The following SPATA17 variants were observed in gnomAD, a reference collection of about 807,000 sequenced individuals.
SPATA17 encodes the protein spermatogenesis-associated protein 17.
A neutral mutation model predicts 62.2 loss-of-function variants in SPATA17; 53 were observed. The ratio of observed to expected loss-of-function variants is 0.85; its 90% confidence interval spans 0.68 to 1.07. The LOEUF is 1.07. Among genes scored for constraint, SPATA17 ranks in the 50% least tolerant of loss-of-function variants. The pLI, the probability that SPATA17 is intolerant of heterozygous loss-of-function variation, is 0.00. For synonymous variants in SPATA17, 146 were observed against 146.8 expected (o/e 0.99, Z 0.04); for missense variants, 466 against 425.5 (o/e 1.10, Z -0.84).
chr1:217,703,951 T>C (rs1007517639), intron 5 of SPATA17, among the ~76,000 whole-genome samples: 1 of 152,184 alleles, frequency 6.6e-6, no homozygotes, highest in South Asian at 2.1e-4. Context: ...AATGAATATA[T>C]GTTTAAAATT....
At chr1:217,655,008 C>A (rs1425117345) in intron 3 of SPATA17, among the ~76,000 whole-genome samples, 2 of 152,278 alleles carry the variant, frequency 1.3e-5, no homozygotes, top group East Asian at 3.9e-4. Context: ...CCGCACCCAG[C>A]CCTACATAAT....
chr1:217,861,241 A>G (rs918220428), intron 9 of SPATA17, among the ~76,000 whole-genome samples: 3 of 151,984 alleles, frequency 2.0e-5, no homozygotes, highest in Admixed American at 1.3e-4. Flanking sequence ...GAAAAATAAA[A>G]GGTTTTATTT....
chr1:217,841,844 C>T (rs574840892), intron 9 of SPATA17, among the ~76,000 whole-genome samples: 55 of 150,926 alleles, frequency 3.6e-4, no homozygotes, highest in African/African-American at 1.2e-3. Context: ...TTTTCATATA[C>T]ATATTATGTA....
At chr1:217,640,931 A>G (rs573072932) in intron 1 of SPATA17, among the ~76,000 whole-genome samples, 1 of 152,110 alleles carries the variant, frequency 6.6e-6, no homozygotes, top group Non-Finnish European at 1.5e-5. Flanking sequence ...TAAAAATTGA[A>G]AGAAAGTGAG....
chr1:217,769,537 C>G (rs1269806227), intron 6 of SPATA17, among the ~76,000 whole-genome samples: 5 of 152,328 alleles, frequency 3.3e-5, no homozygotes, highest in Non-Finnish European at 7.3e-5. Context: ...GGCTGGAGTT[C>G]TTGGAAGAGC....
At chr1:217,825,228 G>A (rs1194788312) in intron 9 of SPATA17, among the ~76,000 whole-genome samples, 1 of 151,460 alleles carries the variant, frequency 6.6e-6, no homozygotes, top group Non-Finnish European at 1.5e-5. Context: ...GAACAGAAAA[G>A]GTGGAATCAA....
intron 5 of SPATA17, among the ~76,000 whole-genome samples, chr1:217,733,159 ACATTGACCATTAT>A (rs1672435614): frequency 6.6e-6 from 1 of 152,172 alleles, no homozygotes. Flanking sequence ...TAATTTTATA[ACATTGACCATTAT>A]CATCTTTTAT....
intron 5 of SPATA17, among the ~76,000 whole-genome samples, chr1:217,732,084 T>TTCTCTCTCTCTCTCTCTC (rs60691625): frequency 0.095 from 14,081 of 148,494 alleles, 742 homozygotes; most frequent in Non-Finnish European, 0.12. Flanking sequence ...TTACTCCAGT[T>TTCTCTCTCTCTCTCTCTC]TCTCTCTCTC....
chr1:217,700,806 A>T (rs1394151044), intron 5 of SPATA17, among the ~76,000 whole-genome samples: 8 of 138,312 alleles, frequency 5.8e-5, no homozygotes, highest in African/African-American at 2.2e-4. Context: ...GGGTTTCACC[A>T]TGTTGGCCAG....
chr1:217,778,469 C>A (rs574527837), intron 7 of SPATA17, among the ~76,000 whole-genome samples: 6 of 151,604 alleles, frequency 4.0e-5, no homozygotes, highest in Admixed American at 2.0e-4. Flanking sequence ...TGCAGTGAGC[C>A]GAGATCACAC....
rs761971419 is a variant in SPATA17, at chr1:217,871,112, C to T, written c.*4093C>T. 1 of 152,036 alleles carries T rather than the reference C, an allele frequency of 6.6e-6. No individual in the cohort carries two copies. Among genetic ancestry groups the T allele is most frequent in the Non-Finnish European group, 1.5e-5 (1 of 68,020 alleles). The allele number at this position is 152,036 out of a possible 1,614,324, so 9.4% of individuals were successfully genotyped here. ...TGTGATGTACACTAAGTGGGTTGAT[C>T]CTGAGATCAAGCTATGATTGCTGCT... On this transcript the variant is annotated 3_prime_UTR_variant, in exon 11 of 11. Coordinates refer to ENST00000366933, the MANE Select transcript of SPATA17 (RefSeq NM_138796.4).
intron 1 of SPATA17, among the ~76,000 whole-genome samples, chr1:217,636,286 G>C (rs1375520802): frequency 6.6e-6 from 1 of 152,188 alleles, no homozygotes; most frequent in Non-Finnish European, 1.5e-5. Context: ...CTAATGGCTA[G>C]CATCAGAATA....
chr1:217,642,138 A>G (rs1426336715), intron 1 of SPATA17, among the ~76,000 whole-genome samples: 2 of 152,152 alleles, frequency 1.3e-5, no homozygotes, highest in African/African-American at 4.8e-5. Flanking sequence ...ATACTACCTG[A>G]TTTTGACTTG....
chr1:217,659,030 G>C (rs561303419), intron 3 of SPATA17, among the ~76,000 whole-genome samples: 1 of 152,216 alleles, frequency 6.6e-6, no homozygotes, highest in South Asian at 2.1e-4. Flanking sequence ...TTACTGCCTG[G>C]GGGGAAGAGA....
rs79785026 is a variant in SPATA17 at position 217,683,354 on chromosome 1, G to A, written c.388G>A (p.Ala130Thr). ...GAAAGTCGTTTCAGAGACCAATGAT[G>A]CAATTAGGTAAGTAGTGCAATCATC... ...YLKVVSETND[A>T]IRKALEEFAE... is the part of the protein sequence containing the mutation. The change falls in exon 5 of 11, where the codon GCA (alanine) becomes ACA (threonine). Residue 130 changes from alanine to threonine, a missense_variant. Physicochemically the swap from Ala to Thr is moderately conservative, Grantham distance 58 (BLOSUM62 0). Coordinates refer to ENST00000366933, the MANE Select transcript of SPATA17 (RefSeq NM_138796.4). 6.3e-7 allele frequency: 1 copy of A among 1,595,920 alleles called. No individual in the cohort carries two copies. Among genetic ancestry groups the A allele is most frequent in the African/African-American group, 1.3e-5 (1 of 74,246 alleles).
At chr1:217,664,736 A>G (rs1030308991) in intron 3 of SPATA17, among the ~76,000 whole-genome samples, 1 of 152,148 alleles carries the variant, frequency 6.6e-6, no homozygotes, top group Non-Finnish European at 1.5e-5. Context: ...CTCAGATTAG[A>G]AATGGGTTCT....
At chr1:217,771,894 G>A (rs1293552023) in intron 6 of SPATA17, among the ~76,000 whole-genome samples, 3 of 152,020 alleles carry the variant, frequency 2.0e-5, no homozygotes, top group Non-Finnish European at 2.9e-5. Flanking sequence ...AGCTGGTAGC[G>A]GTTATTCAGG....
chr1:217,750,096 T>C (rs1397032089), intron 6 of SPATA17, among the ~76,000 whole-genome samples: 3 of 147,402 alleles, frequency 2.0e-5, no homozygotes, highest in East Asian at 2.0e-4. Flanking sequence ...GAGAAACATG[T>C]TACAAGCTTT....
intron 9 of SPATA17, among the ~76,000 whole-genome samples, chr1:217,818,822 CT>C (rs1027077434): frequency 6.8e-6 from 1 of 146,810 alleles, no homozygotes; most frequent in Non-Finnish European, 1.5e-5. Flanking sequence ...TTGAATCTTT[CT>C]TTGCCTATCT....
Sources: allele counts gnomAD v4.1 joint callset (sites outside exome capture counted in the v4.1 genomes callset), GRCh38; gene constraint gnomAD v4.1.1; transcripts MANE v1.5; gene names NCBI Gene and HGNC (gene_info 2026-07-23, HGNC 2026-07-21).